The following MYO18B variants were observed in gnomAD, a reference collection of about 807,000 sequenced individuals.
MYO18B encodes the protein myosin XVIIIB.
Under a neutral mutation model 273.0 loss-of-function variants are expected in MYO18B, and 204 were observed. The observed-to-expected ratio is 0.75, with a 90% confidence interval of 0.67 to 0.84. The LOEUF (loss-of-function observed/expected upper bound fraction) is 0.84, where lower values mean the gene tolerates loss of function less well. Ranked by LOEUF, MYO18B falls within the 40% of genes least tolerant of loss-of-function variation. MYO18B has a pLI of 0.00. For missense variants in MYO18B, 3,212 were observed against 3,287.6 expected, an observed-to-expected ratio of 0.98 and a Z score of 0.56; for synonymous variants, 1,330 against 1,305.7, an observed-to-expected ratio of 1.02 and a Z score of -0.40.
At chr22:25,807,131 C>T (rs2088514912) in intron 12 of MYO18B, among the ~76,000 whole-genome samples, 1 of 152,192 alleles carries the variant, frequency 6.6e-6, no homozygotes, top group Non-Finnish European at 1.5e-5. Context: ...GAACTTGCAC[C>T]TCTCAGAGGT....
intron 39 of MYO18B, among the ~76,000 whole-genome samples, chr22:25,966,784 G>A (rs963414070): frequency 3.3e-5 from 5 of 152,150 alleles, no homozygotes; most frequent in Non-Finnish European, 5.9e-5. Flanking sequence ...GTCCTAATAG[G>A]CATTTAGGTG....
intron 1 of MYO18B, among the ~76,000 whole-genome samples, chr22:25,758,693 TGA>T (rs1196610158): frequency 1.3e-5 from 2 of 151,874 alleles, no homozygotes; most frequent in African/African-American, 2.4e-5. Context: ...TGCCTGGGGC[TGA>T]GAGAGGGAAC....
chr22:25,999,671 ATCT>A (rs1933755826), intron 40 of MYO18B, among the ~76,000 whole-genome samples: 1 of 74,622 alleles, frequency 1.3e-5, no homozygotes, highest in South Asian at 3.8e-4. Flanking sequence ...CTCCTTCTCC[ATCT>A]TCTTCTCCTC....
intron 1 of MYO18B, among the ~76,000 whole-genome samples, chr22:25,758,044 C>T (rs1367750143): frequency 1.3e-5 from 2 of 152,198 alleles, no homozygotes; most frequent in African/African-American, 4.8e-5. Flanking sequence ...GACCAAGTCT[C>T]ACTCCATTGC....
intron 3 of MYO18B, among the ~76,000 whole-genome samples, chr22:25,764,410 C>T (rs551981562): frequency 2.0e-4 from 31 of 152,134 alleles, no homozygotes; most frequent in East Asian, 3.9e-4. Context: ...GTGTCTCCAG[C>T]GCCCCCTTCA....
At chr22:25,826,576 C>A in intron 14 of MYO18B, 77 bp downstream of exon 14, 1 of 1,333,768 alleles carries the variant, frequency 7.5e-7, no homozygotes, top group Non-Finnish European at 1.1e-6. Flanking sequence ...GGCAGTTGAA[C>A]AAAGTGGCAG....
intron 13 of MYO18B, 106 bp from the exon 14 acceptor site, chr22:25,826,303 A>G (rs1158530038): frequency 1.3e-6 from 1 of 786,016 alleles, no homozygotes; most frequent in Non-Finnish European, 2.0e-6. Flanking sequence ...ATGTGGCAAG[A>G]AAAGAAGGAT....
Position 25,805,392 on chromosome 22 carries a change from G to T in MYO18B, c.2521+7295G>T, listed in dbSNP as rs548044166. On this transcript the variant is annotated intron_variant, in intron 12 of 43. Coordinates refer to ENST00000335473, the MANE Select transcript of MYO18B (RefSeq NM_032608.7). ...GTCAAAGGACAAATGTTCCCTGTTTGGGGACTCTCAGGTTGGACCAGGGCA... is the reference window on the plus strand; with the variant it reads ...GTCAAAGGACAAATGTTCCCTGTTTTGGGACTCTCAGGTTGGACCAGGGCA... 2.6e-5 allele frequency among the ~76,000 whole-genome samples: 4 copies of T among 152,208 alleles called. No homozygotes were observed. In the South Asian group the frequency reaches 8.3e-4, roughly 32 times the overall value.
At chr22:25,985,258 G>A (rs1228817781) in intron 39 of MYO18B, among the ~76,000 whole-genome samples, 1 of 152,166 alleles carries the variant, frequency 6.6e-6, no homozygotes, top group Non-Finnish European at 1.5e-5. Context: ...CTGTTTGGGG[G>A]GCTGAGGCAG....
chr22:25,970,126 A>G (rs547841704), intron 39 of MYO18B, among the ~76,000 whole-genome samples: 22 of 152,006 alleles, frequency 1.4e-4, no homozygotes, highest in African/African-American at 5.3e-4. Flanking sequence ...ATCACCATCA[A>G]TCATCATCTT....
chr22:25,934,109 G>A (rs920281925), intron 34 of MYO18B, among the ~76,000 whole-genome samples: 8 of 152,048 alleles, frequency 5.3e-5, no homozygotes, highest in African/African-American at 1.9e-4. Context: ...CATCCATTTC[G>A]ATATTTATTT....
At chr22:25,771,038 C>A in intron 6 of MYO18B, 54 bp downstream of exon 6, 1 of 1,223,094 alleles carries the variant, frequency 8.2e-7, no homozygotes, top group Non-Finnish European at 1.2e-6. Flanking sequence ...CCACTTCACC[C>A]CAGCTCCATA....
chr22:25,896,252 G>A (rs1417446725), intron 28 of MYO18B: 1 of 152,076 alleles, frequency 6.6e-6, no homozygotes, highest in Non-Finnish European at 1.5e-5. Flanking sequence ...CTAGATCCAG[G>A]GTGAAAGCAA....
chr22:26,003,021 G>T (rs950367457), intron 40 of MYO18B, among the ~76,000 whole-genome samples: 1 of 151,958 alleles, frequency 6.6e-6, no homozygotes, highest in Non-Finnish European at 1.5e-5. Context: ...TATTTGCCAG[G>T]AACCATGCTG....
chr22:25,777,727 C>T lies in MYO18B; in HGVS notation c.2014C>T (p.Gln672Ter), dbSNP rs1427223632. 1.2e-6 allele frequency: 2 copies of T among 1,610,516 alleles called. No homozygotes were observed. Among genetic ancestry groups the T allele is most frequent in the South Asian group, 1.1e-5 (1 of 90,480 alleles). Residue 672 changes from glutamine to a stop codon, truncating the protein, a stop_gained, in exon 8 of 44, where the codon CAG (glutamine) becomes TAG (stop). Transcript: ENST00000335473. LOFTEE classifies it high-confidence loss of function. The stretch of plus-strand genomic sequence containing the variant: ...CGCTGGGAAGACCACCTGCTGTGAG[C>T]AGGTCCTGGAACACCTGGTGGGGAT... ...SGAGKTTCCE[Q>*]VLEHLVGMAG...
chr22:25,777,921 G>T (rs9624897), intron 8 of MYO18B, 140 bp downstream of exon 8: 12 of 730,898 alleles, frequency 1.6e-5, no homozygotes, highest in Non-Finnish European at 1.8e-5. Flanking sequence ...CTTGCTACTG[G>T]GCAGGGCTAT....
intron 27 of MYO18B, among the ~76,000 whole-genome samples, chr22:25,891,873 A>T (rs536332636): frequency 2.5e-4 from 38 of 152,244 alleles, no homozygotes; most frequent in African/African-American, 9.1e-4. Flanking sequence ...CAAAAAATTT[A>T]AAAAATTAGC....
chr22:26,060,453 A>G, the MYO18B span, among the ~76,000 whole-genome samples: 5 of 152,234 alleles, frequency 3.3e-5, no homozygotes, highest in African/African-American at 1.2e-4. Context: ...TCTGCAATGC[A>G]GGAAGTTGCA....
At chr22:25,750,922 C>T (rs549440667) in intron 1 of MYO18B, among the ~76,000 whole-genome samples, 30 of 152,308 alleles carry the variant, frequency 2.0e-4, no homozygotes, top group Non-Finnish European at 3.4e-4. Flanking sequence ...GCCAGGCACA[C>T]GTGGCAGTCC....
Sources: allele counts gnomAD v4.1 joint callset (sites outside exome capture counted in the v4.1 genomes callset), GRCh38; gene constraint gnomAD v4.1.1; transcripts MANE v1.5; gene names NCBI Gene and HGNC (gene_info 2026-07-23, HGNC 2026-07-21).